The following PKIA variants were observed in gnomAD, a reference collection of about 807,000 sequenced individuals.
PKIA encodes PKI-alpha.
Under a neutral mutation model 7.6 loss-of-function variants are expected in PKIA, and 4 were observed. That is an observed-to-expected ratio of 0.52 (90% CI 0.26 to 1.20). The LOEUF (loss-of-function observed/expected upper bound fraction) is 1.20, where lower values mean the gene tolerates loss of function less well. Ranked by LOEUF, PKIA falls within the 50% of genes most tolerant of loss-of-function variation. PKIA has a pLI of 0.13. For synonymous variants in PKIA, 21 were observed against 30.7 expected (o/e 0.68, Z 1.04); for missense variants, 73 against 86.2 (o/e 0.85, Z 0.61).
At chr8:78,536,859 T>TACAC (rs58547049) in intron 1 of PKIA, among the ~76,000 whole-genome samples, 3,595 of 136,024 alleles carry the variant, frequency 0.026, 64 homozygotes, top group East Asian at 0.079. Flanking sequence ...CTAGAAAACA[T>TACAC]ACACACACAC....
At chr8:78,545,762 C>G (rs1327951841) in intron 1 of PKIA, among the ~76,000 whole-genome samples, 1 of 151,942 alleles carries the variant, frequency 6.6e-6, no homozygotes, top group Non-Finnish European at 1.5e-5. Context: ...TTCACTGTTC[C>G]TCTATGATAC....
intron 1 of PKIA, 26 bp downstream of exon 1, chr8:78,516,494 C>T (rs1483587606): frequency 6.6e-6 from 1 of 152,376 alleles, no homozygotes; most frequent in African/African-American, 2.4e-5. Flanking sequence ...CCGGTGCGCC[C>T]TGGCCGCACT....
In PKIA at chr8:78,537,139, T is replaced by C. The variant is rs1024924226; in HGVS notation, c.-157+20671T>C. ...TGATAAACCTCTGTACCAGCTCTTT[T>C]CTTCCCAAAATTTCCCCAAGTAACA... is the stretch of plus-strand genomic sequence containing the variant. On this transcript the variant is annotated intron_variant, in intron 1 of 3. Transcript: ENST00000396418. 5.3e-5 allele frequency among the ~76,000 whole-genome samples: 8 copies of C among 151,902 alleles called. No individual in the cohort carries two copies. The South Asian group carries it at 6.2e-4, about 12-fold the overall frequency.
chr8:78,523,251 T>G (rs1809450500), intron 1 of PKIA, among the ~76,000 whole-genome samples: 1 of 151,966 alleles, frequency 6.6e-6, no homozygotes, highest in Non-Finnish European at 1.5e-5. Context: ...ATGTCACAAC[T>G]GCATTTTAAA....
At chr8:78,580,187 A>G (rs1372888832) in intron 2 of PKIA, among the ~76,000 whole-genome samples, 1 of 152,052 alleles carries the variant, frequency 6.6e-6, no homozygotes, top group Non-Finnish European at 1.5e-5. Context: ...ATTTTGTCAC[A>G]TATTGCTATA....
intron 1 of PKIA, among the ~76,000 whole-genome samples, chr8:78,549,053 C>A (rs1031016628): frequency 6.6e-6 from 1 of 152,012 alleles, no homozygotes; most frequent in East Asian, 1.9e-4. Context: ...AAAATTAACA[C>A]ACTAACTCTG....
chr8:78,542,922 G>T (rs769384782), intron 1 of PKIA, among the ~76,000 whole-genome samples: 1 of 152,116 alleles, frequency 6.6e-6, no homozygotes, highest in Non-Finnish European at 1.5e-5. Context: ...GTCACCACCT[G>T]CTGAATTATG....
At chr8:78,543,080 G>A (rs553298744) in intron 1 of PKIA, among the ~76,000 whole-genome samples, 35 of 152,240 alleles carry the variant, frequency 2.3e-4, no homozygotes, top group Middle Eastern at 3.4e-3. Flanking sequence ...GCAAATATAC[G>A]TGTGCCCAAG....
chr8:78,586,279 A>C (rs1301778251), intron 2 of PKIA, among the ~76,000 whole-genome samples: 2 of 152,226 alleles, frequency 1.3e-5, no homozygotes, highest in African/African-American at 2.4e-5. Context: ...ATAATTTATT[A>C]CATAACTAAG....
intron 2 of PKIA, among the ~76,000 whole-genome samples, chr8:78,581,144 A>T (rs965718010): frequency 2.0e-5 from 3 of 152,056 alleles, no homozygotes; most frequent in African/African-American, 7.2e-5. Context: ...GAGAAAGCAT[A>T]AGATGACCCT....
intron 1 of PKIA, among the ~76,000 whole-genome samples, chr8:78,547,236 G>A (rs901148907): frequency 7.1e-4 from 108 of 152,104 alleles, no homozygotes; most frequent in African/African-American, 2.3e-3. Flanking sequence ...AGCCTCCCAA[G>A]TAGCTGGGAT....
At chr8:78,566,945 T>C (rs1172965402) in intron 1 of PKIA, among the ~76,000 whole-genome samples, 1 of 152,174 alleles carries the variant, frequency 6.6e-6, no homozygotes, top group Non-Finnish European at 1.5e-5. Context: ...CTTATTGAAT[T>C]GGAATTACCA....
chr8:78,604,143 G>A lies in PKIA; in HGVS notation c.*2322G>A, dbSNP rs899186482. The A allele has an allele frequency of 1.3e-5, 2 of 151,858 alleles. No homozygotes were observed. Among genetic ancestry groups the A allele is most frequent in the African/African-American group, 2.4e-5 (1 of 41,394 alleles). 9.4% of individuals were successfully genotyped at this position (151,858 alleles called of 1,614,324 possible). On this transcript the variant is annotated 3_prime_UTR_variant, in exon 4 of 4. Coordinates refer to ENST00000396418, the MANE Select transcript of PKIA (RefSeq NM_006823.4). ...ATACATATGGATTTGAATTTTTAAG[G>A]AGAGAAGGAAAGGGTAGGAAACCAG...
intron 1 of PKIA, among the ~76,000 whole-genome samples, chr8:78,519,950 CT>C (rs1358233330): frequency 6.6e-6 from 1 of 152,172 alleles, no homozygotes; most frequent in African/African-American, 2.4e-5. Flanking sequence ...AGATGTGCCC[CT>C]CTCTTGTTTA....
At chr8:78,597,490 A>G (rs1808252572) in intron 2 of PKIA, among the ~76,000 whole-genome samples, 1 of 152,180 alleles carries the variant, frequency 6.6e-6, no homozygotes, top group African/African-American at 2.4e-5. Flanking sequence ...GGTAATAAAA[A>G]GCAAACTGAA....
At chr8:78,532,592 C>T (rs1405289119) in intron 1 of PKIA, among the ~76,000 whole-genome samples, 5 of 151,422 alleles carry the variant, frequency 3.3e-5, no homozygotes, top group East Asian at 3.9e-4. Flanking sequence ...ACTATTGCAT[C>T]GGGTCACTGT....
At chr8:78,580,793 T>C (rs1807786526) in intron 2 of PKIA, among the ~76,000 whole-genome samples, 2 of 151,898 alleles carry the variant, frequency 1.3e-5, no homozygotes, top group Non-Finnish European at 2.9e-5. Flanking sequence ...AGGAGGAAGT[T>C]GAAGTATGAT....
chr8:78,539,313 T>C (rs202193960), intron 1 of PKIA, among the ~76,000 whole-genome samples: 1 of 152,142 alleles, frequency 6.6e-6, no homozygotes, highest in East Asian at 1.9e-4. Context: ...AAGGAAGAAA[T>C]CATCTTCAGG....
At chr8:78,516,810 T>A (rs1234146754) in intron 1 of PKIA, among the ~76,000 whole-genome samples, 1 of 152,184 alleles carries the variant, frequency 6.6e-6, no homozygotes, top group Non-Finnish European at 1.5e-5. Context: ...GCTTGAGTAT[T>A]TTGAGGATTT....
Sources: allele counts gnomAD v4.1 joint callset (sites outside exome capture counted in the v4.1 genomes callset), GRCh38; gene constraint gnomAD v4.1.1; transcripts MANE v1.5; gene names NCBI Gene and HGNC (gene_info 2026-07-23, HGNC 2026-07-21).